KCNC2: variants seen among roughly 807,000 people sequenced by gnomAD.
KCNC2 encodes voltage-gated potassium channel KCNC2.
Under a neutral mutation model 44.5 loss-of-function variants are expected in KCNC2, and 21 were observed. That is an observed-to-expected ratio of 0.47 (90% CI 0.33 to 0.68). KCNC2 has a LOEUF of 0.68. Among genes scored for constraint, KCNC2 ranks in the 30% least tolerant of loss-of-function variants. The pLI, the probability that KCNC2 is intolerant of heterozygous loss-of-function variation, is 0.01. For synonymous variants in KCNC2, 391 were observed against 339.1 expected (o/e 1.15, Z -1.68); for missense variants, 589 against 826.2 (o/e 0.71, Z 3.52).
intron 2 of KCNC2, among the ~76,000 whole-genome samples, chr12:75,124,357 G>A (rs1184705029): frequency 6.6e-6 from 1 of 152,056 alleles, no homozygotes; most frequent in African/African-American, 2.4e-5. Flanking sequence ...TTTCACTAAG[G>A]CCGATTGCAA....
At chr12:75,101,899 AATC>A (rs1332053645) in intron 2 of KCNC2, among the ~76,000 whole-genome samples, 1 of 152,084 alleles carries the variant, frequency 6.6e-6, no homozygotes, top group African/African-American at 2.4e-5. Flanking sequence ...TAGATCACCA[AATC>A]ATCAAGTTCA....
chr12:75,061,954 G>A (rs1000623492), intron 2 of KCNC2, among the ~76,000 whole-genome samples: 1 of 151,918 alleles, frequency 6.6e-6, no homozygotes, highest in African/African-American at 2.4e-5. Context: ...GAGAAATTAG[G>A]AATAGCTTTA....
intron 2 of KCNC2, among the ~76,000 whole-genome samples, chr12:75,113,116 T>C (rs1887377661): frequency 6.6e-6 from 1 of 152,142 alleles, no homozygotes. Flanking sequence ...GTGAGAAGCA[T>C]CTTGTAGGCT....
At chr12:75,169,858 A>AT (rs1891696390) in intron 2 of KCNC2, among the ~76,000 whole-genome samples, 1 of 151,712 alleles carries the variant, frequency 6.6e-6, no homozygotes, top group African/African-American at 2.4e-5. Context: ...ACAGGTATCA[A>AT]TGTTATGAGA....
intron 2 of KCNC2, among the ~76,000 whole-genome samples, chr12:75,087,136 A>C (rs534153017): frequency 6.6e-6 from 1 of 152,224 alleles, no homozygotes; most frequent in East Asian, 1.9e-4. Flanking sequence ...TAAAGATAGA[A>C]ATTTCAAAAA....
intron 2 of KCNC2, among the ~76,000 whole-genome samples, chr12:75,104,618 A>T (rs1429270059): frequency 6.6e-6 from 1 of 152,192 alleles, no homozygotes; most frequent in East Asian, 1.9e-4. Context: ...GTTCATACAC[A>T]AATTTAACCA....
chr12:75,177,328 A>C lies in KCNC2; in HGVS notation c.687+29969T>G, dbSNP rs188570977. On this transcript the variant is annotated intron_variant, in intron 2 of 4. Transcript: ENST00000549446. ...AGGAAATATAACTAAAATTCTGTAT[A>C]AATTAGTGTAGAATCCCAATAGTTT... Among the ~76,000 whole-genome samples the C allele has an allele frequency of 3.3e-5, 5 of 152,102 alleles. No homozygotes were observed. In the South Asian group the frequency reaches 1.0e-3, roughly 31 times the overall value.
At chr12:75,202,265 A>G (rs1246056663) in intron 2 of KCNC2, among the ~76,000 whole-genome samples, 1 of 151,878 alleles carries the variant, frequency 6.6e-6, no homozygotes, top group Admixed American at 6.6e-5. Flanking sequence ...CTAATGTCCA[A>G]CCATAAATCA....
In KCNC2 at chr12:75,042,066, C is replaced by G. The variant is rs1419888793; in HGVS notation, c.*1039G>C. ...AGGAATTTAAGGCTAGTCAAAAAAG[C>G]CTTCTGTGAACACCAGTGACATTTG... On this transcript the variant is annotated 3_prime_UTR_variant, in exon 5 of 5. Transcript: ENST00000549446. 3 of 1,181,048 alleles carry G rather than the reference C, an allele frequency of 2.5e-6. No homozygotes were observed. The highest frequency in any genetic ancestry group is 3.1e-6 in the Non-Finnish European group (3 of 956,744). The allele number at this position is 1,181,048 out of a possible 1,614,324, so 73.2% of individuals were successfully genotyped here. A position where few individuals can be genotyped will look rare whatever the true frequency, so the allele number is the denominator to read the frequency against.
At chr12:75,047,425 A>G (rs1278015811) in intron 4 of KCNC2, among the ~76,000 whole-genome samples, 1 of 152,094 alleles carries the variant, frequency 6.6e-6, no homozygotes, top group Non-Finnish European at 1.5e-5. Flanking sequence ...CTCTTTACCA[A>G]AGATGCTCAT....
At chr12:75,050,368 T>C in intron 3 of KCNC2, 22 bp downstream of exon 3, 1 of 1,508,084 alleles carries the variant, frequency 6.6e-7, no homozygotes, top group Non-Finnish European at 9.1e-7. Flanking sequence ...TTTAATAACA[T>C]GCATTTGAAG....
chr12:75,195,589 T>C (rs1044666949), intron 2 of KCNC2, among the ~76,000 whole-genome samples: 4 of 152,070 alleles, frequency 2.6e-5, no homozygotes, highest in Non-Finnish European at 5.9e-5. Context: ...TCTTCAACTG[T>C]GTCCACTTTA....
intron 2 of KCNC2, among the ~76,000 whole-genome samples, chr12:75,179,157 T>C (rs1892388613): frequency 6.6e-6 from 1 of 152,102 alleles, no homozygotes. Context: ...TAAAACTATG[T>C]AATTAAACAG....
intron 2 of KCNC2, among the ~76,000 whole-genome samples, chr12:75,151,338 C>T (rs562704828): frequency 1.3e-5 from 2 of 152,128 alleles, no homozygotes; most frequent in South Asian, 4.1e-4. Flanking sequence ...TTGGAATTCA[C>T]ACTACCTGTA....
Position 75,043,093 on chromosome 12 carries a change from T to C in KCNC2, c.*12A>G, listed in dbSNP as rs745471882. 1 of 1,610,810 alleles carries C rather than the reference T, an allele frequency of 6.2e-7. No homozygotes were observed. ...TACAATTTAGCCGACTGATGCAGTTTGGTTGTTTGGTTTACAAGATAGATG... is the reference window on the plus strand; with the variant it reads ...TACAATTTAGCCGACTGATGCAGTTCGGTTGTTTGGTTTACAAGATAGATG... On this transcript the variant is annotated 3_prime_UTR_variant, in exon 5 of 5. Coordinates refer to ENST00000549446, the MANE Select transcript of KCNC2 (RefSeq NM_139137.4).
At chr12:75,111,177 T>G (rs1887206763) in intron 2 of KCNC2, among the ~76,000 whole-genome samples, 1 of 152,182 alleles carries the variant, frequency 6.6e-6, no homozygotes. Context: ...GCTGTTTATA[T>G]GTGCTGTAAT....
intron 2 of KCNC2, among the ~76,000 whole-genome samples, chr12:75,068,494 T>C (rs1415741096): frequency 1.3e-5 from 2 of 152,222 alleles, no homozygotes; most frequent in Admixed American, 1.3e-4. Context: ...GTTGTGTACA[T>C]AATTATTTAA....
intron 2 of KCNC2, among the ~76,000 whole-genome samples, chr12:75,120,916 AT>A (rs1888003639): frequency 6.6e-6 from 1 of 152,108 alleles, no homozygotes; most frequent in African/African-American, 2.4e-5. Flanking sequence ...AACCCTATAC[AT>A]TTTTTAATAA....
At chr12:75,158,914 G>C (rs1389616462) in intron 2 of KCNC2, among the ~76,000 whole-genome samples, 1 of 151,822 alleles carries the variant, frequency 6.6e-6, no homozygotes, top group Non-Finnish European at 1.5e-5. Context: ...TTATGCAACA[G>C]GGATGACAAA....
Sources: allele counts gnomAD v4.1 joint callset (sites outside exome capture counted in the v4.1 genomes callset), GRCh38; gene constraint gnomAD v4.1.1; transcripts MANE v1.5; gene names NCBI Gene and HGNC (gene_info 2026-07-23, HGNC 2026-07-21).